The following DYNC1I1 variants were observed in gnomAD, a reference collection of about 807,000 sequenced individuals.
The protein encoded by DYNC1I1 is cytoplasmic dynein 1 intermediate chain 1.
Under a neutral mutation model 86.6 loss-of-function variants are expected in DYNC1I1, and 43 were observed. That is an observed-to-expected ratio of 0.50 (90% CI 0.39 to 0.64). The LOEUF is 0.64. Ranked by LOEUF, DYNC1I1 falls within the 30% of genes least tolerant of loss-of-function variation. The pLI is 0.00. For missense variants in DYNC1I1, 604 were observed against 788.8 expected, an observed-to-expected ratio of 0.77 and a Z score of 2.81; for synonymous variants, 262 against 283.7, an observed-to-expected ratio of 0.92 and a Z score of 0.77.
intron 5 of DYNC1I1, among the ~76,000 whole-genome samples, chr7:95,868,926 C>A (rs566277825): frequency 5.3e-5 from 8 of 151,432 alleles, no homozygotes; most frequent in Non-Finnish European, 8.8e-5. Flanking sequence ...TATACCTCCA[C>A]GACTGGATGT....
At chr7:95,934,277 G>A (rs763116209) in intron 6 of DYNC1I1, among the ~76,000 whole-genome samples, 1 of 152,086 alleles carries the variant, frequency 6.6e-6, no homozygotes, top group Non-Finnish European at 1.5e-5. Flanking sequence ...GGGTATACCG[G>A]TACACTATTA....
At chr7:95,990,104 C>T (rs1793694745) in intron 9 of DYNC1I1, among the ~76,000 whole-genome samples, 1 of 152,102 alleles carries the variant, frequency 6.6e-6, no homozygotes, top group Admixed American at 6.6e-5. Context: ...GCTTCTTAAA[C>T]CAGAACACTT....
chr7:96,040,239 T>G (rs1788996847), intron 14 of DYNC1I1, among the ~76,000 whole-genome samples: 1 of 150,726 alleles, frequency 6.6e-6, no homozygotes, highest in Non-Finnish European at 1.5e-5. Flanking sequence ...ATCTCAAAAT[T>G]AAAATAAAAT....
intron 8 of DYNC1I1, among the ~76,000 whole-genome samples, chr7:95,985,553 T>C (rs1329223399): frequency 6.6e-6 from 1 of 152,172 alleles, no homozygotes; most frequent in Admixed American, 6.6e-5. Context: ...TCTGTGACTG[T>C]AGCATAGGTA....
chr7:95,807,274 A>G (rs1794722359), intron 2 of DYNC1I1, among the ~76,000 whole-genome samples: 1 of 152,124 alleles, frequency 6.6e-6, no homozygotes. Flanking sequence ...TCTGGAAGTC[A>G]TCTATTCTGA....
intron 5 of DYNC1I1, among the ~76,000 whole-genome samples, chr7:95,856,664 A>C (rs1395253034): frequency 6.6e-6 from 1 of 152,180 alleles, no homozygotes; most frequent in Non-Finnish European, 1.5e-5. Context: ...CCTCAATGCC[A>C]TCCTAATTCC....
chr7:96,103,663 A>T (rs923875542), intron 16 of DYNC1I1, among the ~76,000 whole-genome samples: 2 of 147,902 alleles, frequency 1.4e-5, no homozygotes, highest in Admixed American at 6.9e-5. Context: ...CCCAAGCTGG[A>T]GTGCGGTAAC....
At chr7:96,080,207 A>G (rs1322862711) in intron 15 of DYNC1I1, among the ~76,000 whole-genome samples, 156 bp from the exon 16 acceptor site, 2 of 152,232 alleles carry the variant, frequency 1.3e-5, no homozygotes, top group African/African-American at 4.8e-5. Flanking sequence ...TGATTTAAGA[A>G]CAATGAGCCC....
At chr7:95,898,373 C>G (rs1318862738) in intron 6 of DYNC1I1, among the ~76,000 whole-genome samples, 5 of 152,212 alleles carry the variant, frequency 3.3e-5, no homozygotes, top group Admixed American at 2.0e-4. Flanking sequence ...AGACTCTGAT[C>G]TGTCCCTGGT....
rs375862083 is a variant in DYNC1I1, at chr7:96,035,658, G to T, written c.1270G>T (p.Ala424Ser). ...ELVYNKSKPVAVTGMAFPTGD... is the reference protein window; with the variant it reads ...ELVYNKSKPVSVTGMAFPTGD... Reference sequence around the variant, plus strand: ...GGTGTACAATAAGTCCAAGCCTGTCGCTGTTACCGGAATGGCTTTCCCAAC... The same window carrying T: ...GGTGTACAATAAGTCCAAGCCTGTCTCTGTTACCGGAATGGCTTTCCCAAC... Residue 424 changes from alanine to serine, a missense_variant, in exon 13 of 17, where the codon GCT (alanine) becomes TCT (serine). Physicochemically the swap from Ala to Ser is moderately conservative, Grantham distance 99. Coordinates refer to ENST00000447467, the MANE Select transcript of DYNC1I1 (RefSeq NM_001135556.2). 135 of 1,610,874 alleles carry T rather than the reference G, an allele frequency of 8.4e-5. No individual in the cohort carries two copies. Among genetic ancestry groups the T allele is most frequent in the Non-Finnish European group, 1.1e-4 (132 of 1,178,718 alleles).
chr7:95,793,869 CA>C (rs1358852148), intron 1 of DYNC1I1, among the ~76,000 whole-genome samples: 1 of 152,204 alleles, frequency 6.6e-6, no homozygotes, highest in Non-Finnish European at 1.5e-5. Flanking sequence ...GTGTGAGTTC[CA>C]AAGGAAGCTG....
intron 6 of DYNC1I1, among the ~76,000 whole-genome samples, chr7:95,958,849 A>G (rs1230501759): frequency 6.6e-6 from 1 of 152,168 alleles, no homozygotes; most frequent in South Asian, 2.1e-4. Context: ...AGTATCTACT[A>G]TTTTCCAGGC....
chr7:95,816,483 T>A (rs1794948425), intron 4 of DYNC1I1, among the ~76,000 whole-genome samples: 1 of 152,218 alleles, frequency 6.6e-6, no homozygotes, highest in African/African-American at 2.4e-5. Flanking sequence ...ATATCCCATT[T>A]CTCATTTACA....
chr7:96,106,276 T>C (rs891900573), intron 16 of DYNC1I1, among the ~76,000 whole-genome samples: 3 of 152,130 alleles, frequency 2.0e-5, no homozygotes, highest in African/African-American at 7.2e-5. Flanking sequence ...CTCACACCTG[T>C]AATCCCAGCA....
At chr7:96,027,381 A>G (rs1794706933) in intron 10 of DYNC1I1, among the ~76,000 whole-genome samples, 1 of 152,348 alleles carries the variant, frequency 6.6e-6, no homozygotes, top group South Asian at 2.1e-4. Flanking sequence ...TACTTCTCTG[A>G]CTTTAAGTGC....
At chr7:95,863,656 CAAGGTAACTAGA>C (rs1438347588) in intron 5 of DYNC1I1, among the ~76,000 whole-genome samples, 2 of 152,140 alleles carry the variant, frequency 1.3e-5, no homozygotes, top group African/African-American at 4.8e-5. Context: ...CTTTATTTTT[CAAGGTAACTAGA>C]AAGTTTCTTT....
chr7:96,065,877 A>G (rs1283269038), intron 14 of DYNC1I1, among the ~76,000 whole-genome samples: 1 of 152,010 alleles, frequency 6.6e-6, no homozygotes, highest in African/African-American at 2.4e-5. Context: ...TATTTTTTCT[A>G]TTTTCTACTC....
intron 1 of DYNC1I1, among the ~76,000 whole-genome samples, chr7:95,790,068 C>A (rs983458791): frequency 6.6e-6 from 1 of 152,140 alleles, no homozygotes; most frequent in Non-Finnish European, 1.5e-5. Context: ...AATTAATTAT[C>A]TTGTCTTGTG....
intron 6 of DYNC1I1, among the ~76,000 whole-genome samples, chr7:95,945,826 A>T (rs773487280): frequency 1.4e-4 from 21 of 152,168 alleles, no homozygotes; most frequent in Non-Finnish European, 2.5e-4. Context: ...ATGGAATGAT[A>T]TATTCTATTA....
Sources: allele counts gnomAD v4.1 joint callset (sites outside exome capture counted in the v4.1 genomes callset), GRCh38; gene constraint gnomAD v4.1.1; transcripts MANE v1.5; gene names NCBI Gene and HGNC (gene_info 2026-07-23, HGNC 2026-07-21).